Variants in GPM6B observed in about 807,000 individuals in gnomAD.
The protein encoded by GPM6B is glycoprotein M6B.
Under a neutral mutation model 27.2 loss-of-function variants are expected in GPM6B, and 4 were observed. The observed-to-expected ratio is 0.15, with a 90% CI of 0.07 to 0.34. The LOEUF (loss-of-function observed/expected upper bound fraction) is 0.34, where lower values mean the gene tolerates loss of function less well. GPM6B is among the 10% of genes least tolerant of loss of function. GPM6B has a pLI of 1.00. For missense variants in GPM6B, 183 were observed against 261.9 expected (o/e 0.70, Z 2.08); for synonymous variants, 124 against 103.1 (o/e 1.20, Z -1.23).
chrX:13,798,779 T>C (rs1397707745), intron 2 of GPM6B, among the ~76,000 whole-genome samples: 2 of 112,702 alleles, frequency 1.8e-5, no homozygotes, highest in Non-Finnish European at 3.8e-5. Flanking sequence ...TCTCAACTCT[T>C]GGTACTATTG....
At chrX:13,936,152 C>A (rs1921827398) in intron 1 of GPM6B, among the ~76,000 whole-genome samples, 1 of 111,586 alleles carries the variant, frequency 9.0e-6, no homozygotes, top group Non-Finnish European at 1.9e-5. Flanking sequence ...TACTGAAGAC[C>A]ACTGACTTGT....
chrX:13,810,744 TAAA>T (rs747466374), intron 1 of GPM6B, among the ~76,000 whole-genome samples: 8 of 80,638 alleles, frequency 9.9e-5, no homozygotes, highest in African/African-American at 2.3e-4. Flanking sequence ...ATTCAGGATT[TAAA>T]AAAAAAAAAA....
chrX:13,875,962 G>A (rs1486300761), intron 1 of GPM6B, among the ~76,000 whole-genome samples: 1 of 112,276 alleles, frequency 8.9e-6, no homozygotes, highest in African/African-American at 3.2e-5. Context: ...ACAACATTGT[G>A]AATGTACTAA....
intron 1 of GPM6B, among the ~76,000 whole-genome samples, chrX:13,862,360 G>T (rs773438423): frequency 9.0e-6 from 1 of 111,645 alleles, no homozygotes; most frequent in Non-Finnish European, 1.9e-5. Flanking sequence ...TCACGTGCCT[G>T]AGTTTGTGAG....
At chrX:13,827,506 C>T (rs2049390026) in intron 1 of GPM6B, among the ~76,000 whole-genome samples, 2 of 110,771 alleles carry the variant, frequency 1.8e-5, no homozygotes, top group African/African-American at 6.6e-5. Context: ...TGCAAGCCTC[C>T]CTGGATGGCA....
intron 1 of GPM6B, among the ~76,000 whole-genome samples, chrX:13,905,817 T>C (rs1219403960): frequency 9.0e-6 from 1 of 111,105 alleles, no homozygotes; most frequent in East Asian, 2.8e-4. Flanking sequence ...AACCCCTATT[T>C]GATCTTGGAT....
At chrX:13,924,698 C>T (rs1921085058) in intron 1 of GPM6B, among the ~76,000 whole-genome samples, 1 of 111,803 alleles carries the variant, frequency 8.9e-6, no homozygotes, top group African/African-American at 3.3e-5. Context: ...AGGATCCCAT[C>T]TTCAGGACTC....
chrX:13,804,575 C>T (rs12557080), intron 2 of GPM6B, among the ~76,000 whole-genome samples: 28,516 of 109,692 alleles, frequency 0.26, 2,977 homozygotes, highest in Admixed American at 0.5. Flanking sequence ...AGATGGAATT[C>T]TACTGGGAAG....
intron 1 of GPM6B, among the ~76,000 whole-genome samples, chrX:13,930,742 C>G (rs998714532): frequency 2.7e-5 from 3 of 112,535 alleles, no homozygotes; most frequent in African/African-American, 9.7e-5. Flanking sequence ...TGGACAAAGC[C>G]CTTGAAAGCC....
intron 1 of GPM6B, among the ~76,000 whole-genome samples, chrX:13,874,945 C>CG (rs200476204): frequency 2.9e-5 from 3 of 103,553 alleles, no homozygotes; most frequent in East Asian, 3.4e-4. Flanking sequence ...AATCCCCCCC[C>CG]CACCCCCGCT....
intron 4 of GPM6B, chrX:13,781,039 C>A: frequency 3.6e-6 from 1 of 274,003 alleles, no homozygotes; most frequent in Non-Finnish European, 7.1e-6. Context: ...CAGATTTCAG[C>A]AGTTCCACCT....
chrX:13,795,919 T>C (rs750543500), intron 2 of GPM6B, among the ~76,000 whole-genome samples: 45 of 108,948 alleles, frequency 4.1e-4, no homozygotes, highest in Non-Finnish European at 5.9e-4. Context: ...GCCTGGCTTA[T>C]TTATTTATTA....
At chrX:13,845,620 G>C (rs2049636629) in intron 1 of GPM6B, among the ~76,000 whole-genome samples, 1 of 111,397 alleles carries the variant, frequency 9.0e-6, no homozygotes, top group South Asian at 3.8e-4. Context: ...AATTTTCAGT[G>C]GTTTGTTTCA....
intron 1 of GPM6B, among the ~76,000 whole-genome samples, chrX:13,892,721 C>A (rs1394312512): frequency 9.0e-6 from 1 of 111,606 alleles, no homozygotes; most frequent in African/African-American, 3.3e-5. Context: ...ATACTGTTTA[C>A]CCAGTAAATA....
intron 1 of GPM6B, among the ~76,000 whole-genome samples, chrX:13,811,933 A>C (rs1014014138): frequency 9.0e-5 from 10 of 111,018 alleles, no homozygotes; most frequent in African/African-American, 3.3e-4. Flanking sequence ...TAAAACCAAG[A>C]TTATACTACC....
intron 1 of GPM6B, among the ~76,000 whole-genome samples, chrX:13,845,513 G>A (rs986649364): frequency 8.9e-6 from 1 of 111,873 alleles, no homozygotes; most frequent in Non-Finnish European, 1.9e-5. Context: ...AATGAGTTGA[G>A]AGTGAAAATT....
intron 1 of GPM6B, among the ~76,000 whole-genome samples, chrX:13,908,606 T>C (rs1167526216): frequency 8.9e-6 from 1 of 112,433 alleles, no homozygotes; most frequent in Non-Finnish European, 1.9e-5. Flanking sequence ...GTAAATGCTA[T>C]AGTTACTGGC....
intron 1 of GPM6B, among the ~76,000 whole-genome samples, chrX:13,862,246 G>A (rs1465153688): frequency 1.8e-5 from 2 of 111,702 alleles, no homozygotes; most frequent in African/African-American, 3.3e-5. Context: ...GTTTTCAGCT[G>A]TCACCCTTGC....
chrX:13,776,380 C>T, intron 6 of GPM6B, 77 bp from the exon 7 acceptor site: 2 of 770,408 alleles, frequency 2.6e-6, no homozygotes, highest in Non-Finnish European at 3.8e-6. Flanking sequence ...GGTGCTGCTT[C>T]ATCTGTCTCC....
Sources: allele counts gnomAD v4.1 joint callset (sites outside exome capture counted in the v4.1 genomes callset), GRCh38; gene constraint gnomAD v4.1.1; transcripts MANE v1.5; gene names NCBI Gene and HGNC (gene_info 2026-07-23, HGNC 2026-07-21).